The following SATL1 variants were observed in gnomAD, a reference collection of about 807,000 sequenced individuals.
SATL1 encodes the protein spermidine/spermine N1-acetyl transferase like 1.
Under a neutral mutation model 51.8 loss-of-function variants are expected in SATL1, and 47 were observed. That is an observed-to-expected ratio of 0.91 (90% CI 0.72 to 1.16). SATL1 has a LOEUF of 1.16. Among genes scored for constraint, SATL1 ranks in the 50% most tolerant of loss-of-function variants. SATL1 has a pLI of 0.00. For missense variants in SATL1, 520 were observed against 526.4 expected (o/e 0.99, Z 0.12); for synonymous variants, 176 against 182.4 (o/e 0.97, Z 0.28).
chrX:85,219,499 A>G (rs1457122387), intron 2 of SATL1: 1 of 112,088 alleles, frequency 8.9e-6, no homozygotes, highest in Admixed American at 9.5e-5. Flanking sequence ...CTGGTTTATG[A>G]CATGCATCTT....
chrX:85,107,560 C>T lies in SATL1; in HGVS notation c.1409G>A (p.Gly470Asp). Residue 470 changes from glycine to aspartate, a missense_variant, in exon 3 of 8, where the codon GGC (glycine) becomes GAC (aspartate). Gly to Asp is a moderately conservative substitution (Grantham distance 94). This residue lies in a region of SATL1 where 488 missense variants were observed against 474.3 expected (regional missense o/e 1.03). Coordinates refer to ENST00000644105, the MANE Select transcript of SATL1 (RefSeq NM_001367857.2). ...GTSQSSKNQTGMSHPGRGQPG... is the reference protein window; with the variant it reads ...GTSQSSKNQTDMSHPGRGQPG... ...TTGGCCCCTGCCTGGATGGCTCATG[C>T]CTGTTTGGTTCTTACTTGATTGGCT... 4 of 1,212,068 alleles carry T rather than the reference C, an allele frequency of 3.3e-6. No homozygotes were observed. The highest frequency in any genetic ancestry group is 4.5e-6 in the Non-Finnish European group (4 of 895,565).
chrX:85,154,841 T>C (rs1453499063), intron 2 of SATL1, among the ~76,000 whole-genome samples: 1 of 112,555 alleles, frequency 8.9e-6, no homozygotes, highest in Admixed American at 9.4e-5. Flanking sequence ...TAAATAACAG[T>C]ATAGTAAAAT....
At position 85,185,381 on chromosome X, in the gene SATL1, G is replaced by A. The variant is rs747745084; in HGVS notation, c.-313+38824C>T. Among the ~76,000 whole-genome samples, 5 of 112,663 alleles carry A rather than the reference G, an allele frequency of 4.4e-5. No individual in the cohort carries two copies. The South Asian group carries it at 1.1e-3, about 25-fold the overall frequency. Reference sequence around the variant, plus strand: ...TACGGCTCTACAATTAGCAGGTGGCGAAGCCAGCCAGCTTGTGTCCTTACC... The same window carrying A: ...TACGGCTCTACAATTAGCAGGTGGCAAAGCCAGCCAGCTTGTGTCCTTACC... On this transcript the variant is annotated intron_variant, in intron 2 of 7. Coordinates refer to ENST00000644105, the MANE Select transcript of SATL1 (RefSeq NM_001367857.2).
intron 2 of SATL1, among the ~76,000 whole-genome samples, chrX:85,168,859 C>A (rs1158004910): frequency 9.0e-6 from 1 of 111,540 alleles, no homozygotes; most frequent in East Asian, 2.8e-4. Flanking sequence ...ATCACATTAC[C>A]CAACTTCAAA....
intron 4 of SATL1, among the ~76,000 whole-genome samples, chrX:85,099,446 A>G (rs1924830298): frequency 8.9e-6 from 1 of 111,852 alleles, no homozygotes; most frequent in South Asian, 3.7e-4. Flanking sequence ...AGTCAAAGAT[A>G]TTAGAAGAAA....
At chrX:85,209,881 G>C (rs1341149578) in intron 2 of SATL1, 1 of 109,932 alleles carries the variant, frequency 9.1e-6, no homozygotes, top group African/African-American at 3.3e-5. Flanking sequence ...GCTAGCTTTT[G>C]AATGTGTTTG....
At chrX:85,237,040 G>A (rs1476619873) in intron 1 of SATL1, among the ~76,000 whole-genome samples, 4 of 110,848 alleles carry the variant, frequency 3.6e-5, no homozygotes, top group East Asian at 5.6e-4. Context: ...TTAAAATCCC[G>A]TTTAAAATAT....
rs1258338726 is a variant in SATL1 at position 85,109,291 on chromosome X, G to A, written c.-312-11C>T. On this transcript the variant is annotated splice_polypyrimidine_tract_variant and intron_variant, in intron 2 of 7. Coordinates refer to ENST00000644105, the MANE Select transcript of SATL1 (RefSeq NM_001367857.2). ...TCATCTGGCCTTTCCCTGCCAAAAG[G>A]GGGGAAGTAAAGGGAAGACGAAAAT... is the stretch of plus-strand genomic sequence containing the variant. The A allele has an allele frequency of 3.2e-5, 10 of 314,744 alleles. No individual in the cohort carries two copies. In the South Asian group the frequency reaches 5.5e-4, roughly 17 times the overall value. 25.9% of individuals were successfully genotyped at this position (314,744 alleles called of 1,213,427 possible).
intron 4 of SATL1, 78 bp downstream of exon 4, chrX:85,103,786 A>G: frequency 1.4e-6 from 1 of 708,859 alleles, no homozygotes; most frequent in Non-Finnish European, 2.2e-6. Flanking sequence ...TTATGTACCA[A>G]GAACAATAGC....
intron 2 of SATL1, among the ~76,000 whole-genome samples, chrX:85,163,759 A>G (rs1926773071): frequency 8.9e-6 from 1 of 111,826 alleles, no homozygotes; most frequent in South Asian, 3.7e-4. Flanking sequence ...TGTTCTGTAA[A>G]TATATATTAA....
intron 1 of SATL1, among the ~76,000 whole-genome samples, chrX:85,236,153 T>G (rs1928477112): frequency 9.0e-6 from 1 of 111,364 alleles, no homozygotes; most frequent in African/African-American, 3.2e-5. Flanking sequence ...ATTCAAAAGC[T>G]GAACAAACCA....
rs376463872 is a variant in SATL1 at position 85,150,809 on chromosome X, C to T, written c.-312-41529G>A. On this transcript the variant is annotated intron_variant, in intron 2 of 7. Transcript: ENST00000644105. Reference sequence around the variant, plus strand: ...CTCAATAAATTAGGTATTGATGGGACGTATCTCAAAATAATAAGAGCTATC... The same window carrying T: ...CTCAATAAATTAGGTATTGATGGGATGTATCTCAAAATAATAAGAGCTATC... Among the ~76,000 whole-genome samples, 741 of 108,192 alleles carry T rather than the reference C, an allele frequency of 6.8e-3. 8 individuals are homozygous for T. Among genetic ancestry groups the T allele is most frequent in the African/African-American group, 0.023 (712 of 30,300 alleles). 94.0% of individuals were successfully genotyped at this position (108,192 alleles called of 115,157 possible). A position where few individuals can be genotyped will look rare whatever the true frequency, so the allele number is the denominator to read the frequency against.
intron 1 of SATL1, among the ~76,000 whole-genome samples, chrX:85,232,788 A>G (rs1019830474): frequency 8.9e-6 from 1 of 111,887 alleles, no homozygotes; most frequent in Non-Finnish European, 1.9e-5. Flanking sequence ...ATAGAGCACC[A>G]GGTACATTTC....
intron 2 of SATL1, among the ~76,000 whole-genome samples, chrX:85,136,618 A>G (rs192817646): frequency 1.8e-5 from 2 of 111,861 alleles, no homozygotes; most frequent in Admixed American, 1.9e-4. Flanking sequence ...AGCAACTAGT[A>G]AGTTATATAT....
chrX:85,126,792 G>A (rs1363483357), intron 2 of SATL1, among the ~76,000 whole-genome samples: 8 of 110,099 alleles, frequency 7.3e-5, no homozygotes, highest in African/African-American at 9.9e-5. Flanking sequence ...GCCTCCAGGG[G>A]TTGGAGTACC....
intron 2 of SATL1, among the ~76,000 whole-genome samples, chrX:85,197,920 C>A (rs546160643): frequency 2.9e-3 from 315 of 110,106 alleles, no homozygotes; most frequent in Middle Eastern, 9.4e-3. Context: ...AATACTAGAT[C>A]TTATTCATTC....
At chrX:85,093,817 TCA>T (rs749906533) in intron 6 of SATL1, among the ~76,000 whole-genome samples, 15 of 112,223 alleles carry the variant, frequency 1.3e-4, no homozygotes, top group Admixed American at 3.8e-4. Context: ...TGAGTCGTGA[TCA>T]CACCACTGCA....
chrX:85,142,181 G>A (rs1249874786), intron 2 of SATL1, among the ~76,000 whole-genome samples: 6 of 106,986 alleles, frequency 5.6e-5, no homozygotes, highest in African/African-American at 1.7e-4. Context: ...TGGAACACGA[G>A]GTTAGGAGAT....
At chrX:85,220,644 TAAAAAAAAAAAAAAAA>T (rs57383092) in intron 2 of SATL1, among the ~76,000 whole-genome samples, 393 of 24,148 alleles carry the variant, frequency 0.016, 15 homozygotes, top group African/African-American at 0.059. Context: ...ACTTCTGTGT[TAAAAAAAAAAAAAAAA>T]AAAAAAAAAA....
Sources: gnomAD v4.1 joint callset for allele counts (sites outside exome capture counted in the v4.1 genomes callset) on GRCh38, gnomAD v4.1.1 for gene constraint, gnomAD v4.1.1 regional missense constraint, MANE v1.5 for transcripts, NCBI Gene and HGNC (gene_info 2026-07-23, HGNC 2026-07-21) for gene names.